PTPRT: variants seen among roughly 807,000 people sequenced by gnomAD.
The protein encoded by PTPRT is protein tyrosine phosphatase receptor type T.
A neutral mutation model predicts 176.8 loss-of-function variants in PTPRT; 56 were observed. The observed-to-expected ratio is 0.32, with a 90% CI of 0.26 to 0.40. PTPRT has a LOEUF of 0.40. PTPRT is among the 10% of genes least tolerant of loss of function. The pLI, the probability that PTPRT is intolerant of heterozygous loss-of-function variation, is 1.00. For synonymous variants in PTPRT, 783 were observed against 739.0 expected, an observed-to-expected ratio of 1.06 and a Z score of -0.96; for missense variants, 1,540 against 1,908.2, an observed-to-expected ratio of 0.81 and a Z score of 3.60.
At chr20:42,655,452 C>T (rs913960874) in intron 7 of PTPRT, among the ~76,000 whole-genome samples, 1 of 152,166 alleles carries the variant, frequency 6.6e-6, no homozygotes, top group African/African-American at 2.4e-5. Flanking sequence ...GATTGCACCA[C>T]TGCACTCCAG....
chr20:42,738,196 C>T (rs2076564880), intron 6 of PTPRT, among the ~76,000 whole-genome samples: 2 of 152,160 alleles, frequency 1.3e-5, no homozygotes, highest in African/African-American at 4.8e-5. Context: ...GTCCACAAAG[C>T]ATTCACTATT....
chr20:42,536,828 A>G (rs1239287540), intron 7 of PTPRT, among the ~76,000 whole-genome samples: 1 of 152,170 alleles, frequency 6.6e-6, no homozygotes, highest in East Asian at 1.9e-4. Context: ...CAGAAACCAG[A>G]GATTTAAGTT....
At chr20:42,568,093 C>T (rs1269083373) in intron 7 of PTPRT, among the ~76,000 whole-genome samples, 1 of 151,800 alleles carries the variant, frequency 6.6e-6, no homozygotes, top group Non-Finnish European at 1.5e-5. Context: ...CTCAGGCTCC[C>T]GAGTAGCTGG....
At position 42,744,887 on chromosome 20, in the gene PTPRT, AG is replaced by A. The variant is rs140986614; in HGVS notation, c.859+11574del. ...TTCCTTAAACTGGAACTATTATCAC[AG>A]GGCCCTAGTGATTGCAGAGCAGGCT... On this transcript the variant is annotated intron_variant, in intron 6 of 30. Transcript: ENST00000373187. Among the ~76,000 whole-genome samples, 328 of 152,322 alleles carry A rather than the reference AG, an allele frequency of 2.2e-3. 1 individual carries two copies. Among genetic ancestry groups the A allele is most frequent in the African/African-American group, 7.4e-3 (308 of 41,574 alleles).
chr20:42,153,193 C>T (rs1253962688), intron 17 of PTPRT, among the ~76,000 whole-genome samples: 2 of 152,338 alleles, frequency 1.3e-5, no homozygotes, highest in East Asian at 1.9e-4. Context: ...TTCTTTAAAG[C>T]AGCATCTTTA....
chr20:42,849,903 T>C (rs1049404669), intron 2 of PTPRT, among the ~76,000 whole-genome samples: 1 of 152,218 alleles, frequency 6.6e-6, no homozygotes, highest in Non-Finnish European at 1.5e-5. Flanking sequence ...AATCCTGCTG[T>C]TTCTGTTTCC....
intron 9 of PTPRT, among the ~76,000 whole-genome samples, chr20:42,379,650 C>G (rs1349599890): frequency 6.6e-6 from 1 of 152,220 alleles, no homozygotes; most frequent in Non-Finnish European, 1.5e-5. Context: ...TTGGCCCTGG[C>G]CGGGTGATTG....
At position 42,145,847 on chromosome 20, in the gene PTPRT, C is replaced by T. The variant is rs537423764; in HGVS notation, c.2683-3845G>A. Among the ~76,000 whole-genome samples the T allele has an allele frequency of 2.0e-5, 3 of 152,270 alleles. No homozygotes were observed. The East Asian group carries it at 5.8e-4, about 29-fold the overall frequency. On this transcript the variant is annotated intron_variant, in intron 17 of 30. Coordinates refer to ENST00000373187, the MANE Select transcript of PTPRT (RefSeq NM_007050.6). ...GTGTCCAACGCCCTTAGACAAACAT[C>T]CTGGAAGAGAAGCAATACAGGTGCT...
chr20:42,396,982 TC>T (rs2058857113), intron 9 of PTPRT, among the ~76,000 whole-genome samples: 1 of 152,192 alleles, frequency 6.6e-6, no homozygotes, highest in Non-Finnish European at 1.5e-5. Context: ...AAAATGTCCC[TC>T]CCACACAGGT....
chr20:42,665,176 G>C (rs564461875), intron 7 of PTPRT, among the ~76,000 whole-genome samples: 60 of 151,886 alleles, frequency 4.0e-4, no homozygotes, highest in East Asian at 3.7e-3. Flanking sequence ...TACAGAATGG[G>C]AGAAAATTTT....
chr20:42,098,697 G>T, intron 26 of PTPRT, 145 bp from the exon 27 acceptor site: 3 of 1,062,782 alleles, frequency 2.8e-6, no homozygotes, highest in Non-Finnish European at 4.0e-6. Flanking sequence ...ATCTCTCCAC[G>T]CCCTGGCGGC....
intron 16 of PTPRT, among the ~76,000 whole-genome samples, chr20:42,175,525 G>A (rs1299246300): frequency 6.6e-6 from 1 of 152,174 alleles, no homozygotes; most frequent in East Asian, 1.9e-4. Context: ...ATTGGGTTGA[G>A]TAGGGGCAGG....
At chr20:42,654,048 C>T (rs1370220111) in intron 7 of PTPRT, among the ~76,000 whole-genome samples, 1 of 152,084 alleles carries the variant, frequency 6.6e-6, no homozygotes, top group African/African-American at 2.4e-5. Context: ...GGGAGCAGGA[C>T]AGGACAGGGG....
chr20:42,387,077 T>C (rs1478082528), intron 9 of PTPRT, among the ~76,000 whole-genome samples: 1 of 152,196 alleles, frequency 6.6e-6, no homozygotes, highest in African/African-American at 2.4e-5. Context: ...TTTTTATCTG[T>C]TCGAAATTGA....
At chr20:42,690,052 G>A (rs1455902011) in intron 6 of PTPRT, among the ~76,000 whole-genome samples, 1 of 152,160 alleles carries the variant, frequency 6.6e-6, no homozygotes, top group Non-Finnish European at 1.5e-5. Flanking sequence ...ATCAAATCAT[G>A]ATCTTGGTCT....
chr20:42,594,199 G>A (rs528587599), intron 7 of PTPRT, among the ~76,000 whole-genome samples: 1 of 152,182 alleles, frequency 6.6e-6, no homozygotes, highest in Non-Finnish European at 1.5e-5. Context: ...AGAACAAGGA[G>A]TTCTAAGAAC....
chr20:42,905,783 T>C (rs1257099668), intron 1 of PTPRT, among the ~76,000 whole-genome samples: 1 of 152,102 alleles, frequency 6.6e-6, no homozygotes, highest in Non-Finnish European at 1.5e-5. Context: ...TGGATGAAGC[T>C]AGAAACCATC....
rs1414611427 is a variant in PTPRT at position 42,463,321 on chromosome 20, TTTC to T, written c.1450+8942_1450+8944del. On this transcript the variant is annotated intron_variant, in intron 8 of 30. Transcript: ENST00000373187. ...CACATTTTCCCTTTCCACAATTTCA[TTTC>T]TTCTTCTATTTAACAGCATGGAACT... Among the ~76,000 whole-genome samples, 3 of 152,178 alleles carry T rather than the reference TTTC, an allele frequency of 2.0e-5. No homozygotes were observed. The South Asian group carries it at 6.2e-4, about 31-fold the overall frequency.
chr20:42,292,256 T>C (rs1056267775), intron 12 of PTPRT, among the ~76,000 whole-genome samples: 1 of 152,100 alleles, frequency 6.6e-6, no homozygotes, highest in Admixed American at 6.6e-5. Context: ...TTAGCCCCAA[T>C]GGGACTCACT....
Sources: allele counts gnomAD v4.1 joint callset (sites outside exome capture counted in the v4.1 genomes callset), GRCh38; gene constraint gnomAD v4.1.1; transcripts MANE v1.5; gene names NCBI Gene and HGNC (gene_info 2026-07-23, HGNC 2026-07-21).